The following LRRIQ1 variants were observed in gnomAD, a reference collection of about 807,000 sequenced individuals.
LRRIQ1 encodes leucine rich repeats and IQ motif containing 1.
In LRRIQ1, 210 loss-of-function variants were observed where a neutral mutation model predicts 211.9. The observed-to-expected ratio is 0.99, with a 90% confidence interval of 0.89 to 1.11. The LOEUF (loss-of-function observed/expected upper bound fraction) is 1.11, where lower values mean the gene tolerates loss of function less well. Ranked by LOEUF, LRRIQ1 falls within the 50% of genes most tolerant of loss-of-function variation. The pLI is 0.00. For synonymous variants in LRRIQ1, 699 were observed against 650.1 expected (o/e 1.08, Z -1.14); for missense variants, 2,136 against 1,939.5 (o/e 1.10, Z -1.90).
At chr12:85,164,112 A>G (rs1891036279) in intron 24 of LRRIQ1, among the ~76,000 whole-genome samples, 1 of 152,172 alleles carries the variant, frequency 6.6e-6, no homozygotes, top group African/African-American at 2.4e-5. Flanking sequence ...TGTAATACCT[A>G]CTTGGATTTC....
intron 9 of LRRIQ1, among the ~76,000 whole-genome samples, chr12:85,066,264 T>C (rs1882419484): frequency 6.6e-6 from 1 of 151,936 alleles, no homozygotes; most frequent in Admixed American, 6.6e-5. Flanking sequence ...TTTTCTCATC[T>C]AAATCAGATC....
At chr12:85,141,278 T>G (rs1448118267) in intron 19 of LRRIQ1, among the ~76,000 whole-genome samples, 2 of 151,102 alleles carry the variant, frequency 1.3e-5, no homozygotes, top group Admixed American at 6.6e-5. Context: ...AAGTTTATGG[T>G]TTTTTTTCTT....
chr12:85,083,730 A>C (rs1592761146), intron 11 of LRRIQ1, among the ~76,000 whole-genome samples: 1 of 152,118 alleles, frequency 6.6e-6, no homozygotes, highest in East Asian at 1.9e-4. Context: ...CAGCCACCGC[A>C]CCCGGCCTGG....
intron 10 of LRRIQ1, among the ~76,000 whole-genome samples, chr12:85,071,717 T>C (rs953569139): frequency 6.6e-6 from 1 of 152,012 alleles, no homozygotes; most frequent in African/African-American, 2.4e-5. Flanking sequence ...CTCAAAATCA[T>C]GGAGGAAGAC....
intron 1 of LRRIQ1, among the ~76,000 whole-genome samples, chr12:85,260,850 G>A (rs753572417): frequency 3.3e-5 from 5 of 152,152 alleles, no homozygotes; most frequent in African/African-American, 4.8e-5. Context: ...AGTAGAAGGA[G>A]GATAGGTTTT....
At chr12:85,270,716 A>G in the LRRIQ1 span, among the ~76,000 whole-genome samples, 1 of 152,142 alleles carries the variant, frequency 6.6e-6, no homozygotes, top group Non-Finnish European at 1.5e-5. Flanking sequence ...TTTTATGACC[A>G]GGCACTGTTC....
At chr12:85,224,976 A>G (rs983102881) in intron 24 of LRRIQ1, among the ~76,000 whole-genome samples, 8 of 152,140 alleles carry the variant, frequency 5.3e-5, no homozygotes, top group Admixed American at 1.3e-4. Flanking sequence ...TCTATTACAT[A>G]TAATACATTT....
At chr12:85,045,933 A>G in intron 4 of LRRIQ1, 87 bp from the exon 5 acceptor site, 1 of 616,436 alleles carries the variant, frequency 1.6e-6, no homozygotes, top group Non-Finnish European at 2.7e-6. Context: ...TGGTATATAC[A>G]TATAAATATT....
chr12:85,097,496 A>G (rs1885989105), intron 11 of LRRIQ1, among the ~76,000 whole-genome samples: 1 of 150,386 alleles, frequency 6.6e-6, no homozygotes, highest in Non-Finnish European at 1.5e-5. Flanking sequence ...CCTATGAGTG[A>G]GAACATGCGG....
intron 15 of LRRIQ1, among the ~76,000 whole-genome samples, chr12:85,117,099 C>T (rs1224366182): frequency 6.6e-6 from 1 of 152,170 alleles, no homozygotes; most frequent in Non-Finnish European, 1.5e-5. Flanking sequence ...ATTTCGGAAA[C>T]ACTGCCCTGC....
In LRRIQ1 at chr12:85,127,914, G is replaced by C; in HGVS notation, c.4090G>C (p.Ala1364Pro). The C allele has an allele frequency of 6.2e-7, 1 of 1,613,974 alleles. No homozygotes were observed. The highest frequency in any genetic ancestry group is 8.5e-7 in the Non-Finnish European group (1 of 1,179,984). The part of the protein sequence containing the change: ...QTHFSTRLHT[A>P]ATEGLPNSSI... The stretch of plus-strand genomic sequence containing the variant: ...TCATTTCTCCACAAGGCTACATACT[G>C]CTGCAACAGAAGGCCTGCCAAATTC... The change falls in exon 18 of 27, where the codon GCT becomes CCT. Residue 1364 changes from alanine (A) to proline (P), a missense_variant. Physicochemically the swap from Ala to Pro is conservative, Grantham distance 27. Coordinates refer to ENST00000393217, the MANE Select transcript of LRRIQ1 (RefSeq NM_001079910.2).
chr12:85,232,654 C>T (rs1159262470), intron 25 of LRRIQ1, 42 bp from the exon 26 acceptor site: 4 of 1,522,844 alleles, frequency 2.6e-6, no homozygotes, highest in Non-Finnish European at 3.6e-6. Flanking sequence ...GCTTCCTCTA[C>T]ATTTACATTA....
chr12:85,036,400 G>C lies in LRRIQ1; in HGVS notation c.-32G>C, dbSNP rs1385033379. The C allele has an allele frequency of 6.6e-6, 1 of 152,264 alleles. No homozygotes were observed. Among genetic ancestry groups the C allele is most frequent in the African/African-American group, 2.4e-5 (1 of 41,432 alleles). The allele number at this position is 152,264 out of a possible 1,614,324, so 9.4% of individuals were successfully genotyped here. A position where few individuals can be genotyped will look rare whatever the true frequency, so the allele number is the denominator to read the frequency against. ...TACAACAAAGCCAAGGAATCTCGCT[G>C]CTGAGGGGTGAGCCGGGGTCTTAAG... On this transcript the variant is annotated 5_prime_UTR_variant, in exon 1 of 27. Transcript: ENST00000393217.
intron 24 of LRRIQ1, among the ~76,000 whole-genome samples, chr12:85,179,744 A>G (rs1332455304): frequency 1.3e-5 from 2 of 151,894 alleles, no homozygotes; most frequent in Non-Finnish European, 1.5e-5. Context: ...ACTTCCATTT[A>G]TCCTTCACAA....
intron 24 of LRRIQ1, among the ~76,000 whole-genome samples, chr12:85,216,479 A>T (rs1894090948): frequency 6.6e-6 from 1 of 150,698 alleles, no homozygotes; most frequent in Non-Finnish European, 1.5e-5. Flanking sequence ...TTATATAATT[A>T]ATTTACATAT....
At position 85,056,499 on chromosome 12, in the gene LRRIQ1, A is replaced by G. The variant is rs562948410; in HGVS notation, c.1706A>G (p.Asn569Ser). The change falls in exon 8 of 27, where the codon AAT becomes AGT. Residue 569 changes from asparagine (N) to serine (S), a missense_variant. Transcript: ENST00000393217. ...HNQEISEVKT[N>S]EEQKIIKDNQ... is the part of the protein sequence containing the mutation. ...CAAGAAATCAGTGAGGTGAAAACCA[A>G]TGAAGAGCAGAAAATAATCAAAGAT... is the stretch of plus-strand genomic sequence containing the variant. 4.2e-5 allele frequency: 67 copies of G among 1,612,318 alleles called. 2 individuals carry two copies. The South Asian group carries it at 6.2e-4, about 15-fold the overall frequency.
intron 1 of LRRIQ1, among the ~76,000 whole-genome samples, chr12:85,258,865 A>G (rs376757280): frequency 2.4e-4 from 36 of 152,002 alleles, no homozygotes; most frequent in East Asian, 9.6e-4. Flanking sequence ...ATACATCATG[A>G]AATTCCTATT....
At chr12:85,228,567 G>C (rs1894781826) in intron 24 of LRRIQ1, among the ~76,000 whole-genome samples, 1 of 152,114 alleles carries the variant, frequency 6.6e-6, no homozygotes, top group Non-Finnish European at 1.5e-5. Context: ...TTCAACATCT[G>C]TTTAAATTGA....
At chr12:85,229,406 G>C (rs1284620412) in intron 24 of LRRIQ1, 111 bp from the exon 25 acceptor site, 5 of 814,944 alleles carry the variant, frequency 6.1e-6, no homozygotes, top group Non-Finnish European at 9.3e-6. Flanking sequence ...GCTCTCATAA[G>C]TTAGTATTTT....
Sources: allele counts gnomAD v4.1 joint callset (sites outside exome capture counted in the v4.1 genomes callset), GRCh38; gene constraint gnomAD v4.1.1; transcripts MANE v1.5; gene names NCBI Gene and HGNC (gene_info 2026-07-23, HGNC 2026-07-21).